Variants in YIPF4 observed in about 807,000 individuals in gnomAD.
The protein encoded by YIPF4 is protein YIPF4.
Under a neutral mutation model 29.4 loss-of-function variants are expected in YIPF4, and 18 were observed. The ratio of observed to expected loss-of-function variants is 0.61; its 90% CI spans 0.42 to 0.91. The LOEUF (loss-of-function observed/expected upper bound fraction) is 0.91, where lower values mean the gene tolerates loss of function less well. Among genes scored for constraint, YIPF4 ranks in the 40% least tolerant of loss-of-function variants. YIPF4 has a pLI of 0.00. For missense variants in YIPF4, 279 were observed against 282.7 expected (o/e 0.99, Z 0.09); for synonymous variants, 115 against 104.7 (o/e 1.10, Z -0.60).
At position 32,290,589 on chromosome 2, in the gene YIPF4, G is replaced by T. The variant is rs1330291547; in HGVS notation, c.186G>T (p.Trp62Cys). Residue 62 changes from tryptophan to cysteine, a missense_variant, in exon 2 of 6, where the codon TGG (tryptophan) becomes TGT (cysteine). Trp to Cys is a radical substitution (Grantham distance 215). Transcript: ENST00000238831. ...TTCTGAGACAAAGAGGTTATGGCTG[G>T]CTTCTGGAAGTTGAAGATGATGATC... ...TTFLRQRGYGWLLEVEDDDPE... is the reference protein window; with the variant it reads ...TTFLRQRGYGCLLEVEDDDPE... 3 of 1,578,760 alleles carry T rather than the reference G, an allele frequency of 1.9e-6. No individual in the cohort carries two copies. The highest frequency in any genetic ancestry group is 2.6e-6 in the Non-Finnish European group (3 of 1,162,824).
chr2:32,293,682 C>T (rs1348897746), intron 3 of YIPF4, among the ~76,000 whole-genome samples: 1 of 152,020 alleles, frequency 6.6e-6, no homozygotes, highest in Non-Finnish European at 1.5e-5. Flanking sequence ...CAGAGGCACC[C>T]CTCACCTCCC....
rs937139051 is a variant in YIPF4 at position 32,285,733 on chromosome 2, G to C, written c.80-4750G>C. ...TGCAGTGGTGCGATCTCAGCTCATT[G>C]CAACCTCCACCTCCCAGGCTCAAGC... On this transcript the variant is annotated intron_variant, in intron 1 of 5. Coordinates refer to ENST00000238831, the MANE Select transcript of YIPF4 (RefSeq NM_032312.4). Among the ~76,000 whole-genome samples the C allele has an allele frequency of 3.7e-4, 54 of 147,134 alleles. 1 individual carries two copies. The highest frequency in any genetic ancestry group is 1.3e-3 in the African/African-American group (52 of 39,608).
chr2:32,300,869 C>A (rs900773427), intron 4 of YIPF4, among the ~76,000 whole-genome samples: 1 of 152,174 alleles, frequency 6.6e-6, no homozygotes, highest in African/African-American at 2.4e-5. Flanking sequence ...ATTGTTATTT[C>A]ATTTACTCTC....
intron 5 of YIPF4, among the ~76,000 whole-genome samples, chr2:32,302,273 C>A (rs1282627472): frequency 6.6e-6 from 1 of 152,064 alleles, no homozygotes; most frequent in Non-Finnish European, 1.5e-5. Context: ...TTGTGATCCA[C>A]CCGCCTCAGC....
chr2:32,301,110 T>C (rs576655131), intron 4 of YIPF4, among the ~76,000 whole-genome samples: 7 of 152,284 alleles, frequency 4.6e-5, no homozygotes, highest in Non-Finnish European at 8.8e-5. Context: ...ATACTGAAGG[T>C]AGTATGAAAC....
intron 4 of YIPF4, among the ~76,000 whole-genome samples, chr2:32,300,470 C>T (rs182692490): frequency 6.6e-6 from 1 of 151,398 alleles, no homozygotes; most frequent in Non-Finnish European, 1.5e-5. Context: ...TTCTTTTATC[C>T]CTTCTATTTT....
intron 1 of YIPF4, among the ~76,000 whole-genome samples, chr2:32,279,451 G>T (rs1397523441): frequency 7.3e-6 from 1 of 136,062 alleles, no homozygotes; most frequent in Non-Finnish European, 1.5e-5. Context: ...AGGCTGGAGT[G>T]CAGTGATGCC....
intron 1 of YIPF4, among the ~76,000 whole-genome samples, chr2:32,280,810 C>G (rs192889207): frequency 1.3e-5 from 2 of 152,268 alleles, no homozygotes; most frequent in Non-Finnish European, 2.9e-5. Flanking sequence ...AACTGAGATA[C>G]AGCACCCCAA....
At chr2:32,286,748 G>A (rs1488960509) in intron 1 of YIPF4, among the ~76,000 whole-genome samples, 1 of 151,946 alleles carries the variant, frequency 6.6e-6, no homozygotes, top group African/African-American at 2.4e-5. Context: ...GTTTTACCAC[G>A]TTGGCCAGGA....
chr2:32,287,899 A>G (rs150551302), intron 1 of YIPF4, among the ~76,000 whole-genome samples: 126 of 152,340 alleles, frequency 8.3e-4, no homozygotes, highest in Middle Eastern at 6.8e-3. Flanking sequence ...AAATGACAAG[A>G]ATATTTTATA....
chr2:32,302,236 G>A (rs2031431235), intron 5 of YIPF4, among the ~76,000 whole-genome samples: 1 of 150,688 alleles, frequency 6.6e-6, no homozygotes, highest in African/African-American at 2.4e-5. Context: ...TCACCGTATT[G>A]TCCAGGCTGG....
rs1197711125 is a variant in YIPF4, at chr2:32,308,328, C to T, written c.*2702C>T. 2 of 152,250 alleles carry T rather than the reference C, an allele frequency of 1.3e-5. No homozygotes were observed. Among genetic ancestry groups the T allele is most frequent in the Non-Finnish European group, 2.9e-5 (2 of 68,186 alleles). The allele number at this position is 152,250 out of a possible 1,614,324, so 9.4% of individuals were successfully genotyped here. On this transcript the variant is annotated 3_prime_UTR_variant, in exon 6 of 6. Coordinates refer to ENST00000238831, the MANE Select transcript of YIPF4 (RefSeq NM_032312.4). ...GTTTCACCGTGTTAACCAGGATGGTCTCGATCTCCTGACCTCGTGATCCGC... is the reference window on the plus strand; with the variant it reads ...GTTTCACCGTGTTAACCAGGATGGTTTCGATCTCCTGACCTCGTGATCCGC...
In YIPF4 at chr2:32,278,133, G is replaced by C. The variant is rs754340793; in HGVS notation, c.-23G>C. On this transcript the variant is annotated 5_prime_UTR_variant, in exon 1 of 6. Coordinates refer to ENST00000238831, the MANE Select transcript of YIPF4 (RefSeq NM_032312.4). The stretch of plus-strand genomic sequence containing the variant: ...GCCCAGCCGCAGCCTCTTCTACCGC[G>C]GCCGGTTGGGAGTCGCCGCGAGATG... 2 of 1,543,716 alleles carry C rather than the reference G, an allele frequency of 1.3e-6. No homozygotes were observed. Among genetic ancestry groups the C allele is most frequent in the Non-Finnish European group, 1.7e-6 (2 of 1,145,152 alleles).
chr2:32,298,758 C>T (rs1558480326), intron 4 of YIPF4, among the ~76,000 whole-genome samples: 1 of 152,022 alleles, frequency 6.6e-6, no homozygotes, highest in African/African-American at 2.4e-5. Flanking sequence ...AGGGTTTCAC[C>T]ATGTTGGCCA....
At chr2:32,294,427 C>G (rs544347184) in intron 3 of YIPF4, among the ~76,000 whole-genome samples, 1 of 150,982 alleles carries the variant, frequency 6.6e-6, no homozygotes, top group Non-Finnish European at 1.5e-5. Context: ...ACATCCCAGA[C>G]GGGGCGGCGG....
intron 1 of YIPF4, among the ~76,000 whole-genome samples, chr2:32,284,026 A>G (rs1274244253): frequency 6.6e-6 from 1 of 152,096 alleles, no homozygotes; most frequent in Non-Finnish European, 1.5e-5. Flanking sequence ...GCCAGGCCTA[A>G]TATCACTTCT....
chr2:32,281,868 C>A (rs115291645), intron 1 of YIPF4, among the ~76,000 whole-genome samples: 1 of 140,834 alleles, frequency 7.1e-6, no homozygotes, highest in Non-Finnish European at 1.5e-5. Context: ...ACACTTCAGC[C>A]TGGGTGACAG....
chr2:32,278,438 C>T (rs984778220), intron 1 of YIPF4, among the ~76,000 whole-genome samples: 3 of 152,022 alleles, frequency 2.0e-5, no homozygotes, highest in Non-Finnish European at 2.9e-5. Context: ...TTTAAAGCAT[C>T]AAGTTACTCG....
At chr2:32,300,373 G>T (rs2031357046) in intron 4 of YIPF4, among the ~76,000 whole-genome samples, 3 of 151,774 alleles carry the variant, frequency 2.0e-5, no homozygotes. Context: ...GGCGGAGGTT[G>T]CGGTGAGCCG....
Sources: gnomAD v4.1 joint callset for allele counts (sites outside exome capture counted in the v4.1 genomes callset) on GRCh38, gnomAD v4.1.1 for gene constraint, MANE v1.5 for transcripts, NCBI Gene and HGNC (gene_info 2026-07-23, HGNC 2026-07-21) for gene names.